The following USO1 variants were observed in gnomAD, a reference collection of about 807,000 sequenced individuals.
The protein encoded by USO1 is general vesicular transport factor p115.
Under a neutral mutation model 124.5 loss-of-function variants are expected in USO1, and 57 were observed. The ratio of observed to expected loss-of-function variants is 0.46; its 90% CI spans 0.37 to 0.57. The LOEUF is 0.57. USO1 is among the 20% of genes least tolerant of loss of function. USO1 has a pLI of 0.00. For missense variants in USO1, 900 were observed against 1,040.6 expected (o/e 0.86, Z 1.86); for synonymous variants, 369 against 362.8 (o/e 1.02, Z -0.19).
intron 4 of USO1, among the ~76,000 whole-genome samples, chr4:75,762,164 CTTTTTTTTTTT>C (rs375866579): frequency 1.4e-5 from 1 of 70,156 alleles, no homozygotes; most frequent in African/African-American, 5.7e-5. Flanking sequence ...AACAATTTTA[CTTTTTTTTTTT>C]TTTTTTTTTT....
chr4:75,789,076 T>C (rs1722454423), intron 10 of USO1, among the ~76,000 whole-genome samples: 1 of 152,122 alleles, frequency 6.6e-6, no homozygotes, highest in Non-Finnish European at 1.5e-5. Flanking sequence ...TGTAATCTTT[T>C]TCTCTCTAGA....
intron 1 of USO1, among the ~76,000 whole-genome samples, chr4:75,733,115 C>T (rs369769942): frequency 1.3e-4 from 19 of 150,954 alleles, no homozygotes; most frequent in African/African-American, 2.9e-4. Flanking sequence ...AAAAATTAGC[C>T]GGGCGTGGTG....
chr4:75,790,834 A>G (rs373605094), intron 12 of USO1, 37 bp downstream of exon 12: 56 of 1,517,336 alleles, frequency 3.7e-5, no homozygotes, highest in Non-Finnish European at 4.7e-5. Flanking sequence ...TTGAAAAAGT[A>G]AATCATTGTC....
chr4:75,754,391 C>A (rs1721378775), intron 3 of USO1, among the ~76,000 whole-genome samples: 1 of 152,140 alleles, frequency 6.6e-6, no homozygotes, highest in Non-Finnish European at 1.5e-5. Flanking sequence ...CCCTCAATTT[C>A]TTTTTAAGAG....
chr4:75,774,684 A>C lies in USO1; in HGVS notation c.564A>C (p.Leu188Phe). Residue 188 changes from leucine to phenylalanine, a missense_variant, in exon 8 of 24, where the codon TTA becomes TTC. By Grantham distance (22) the Leu-to-Phe change is conservative. Around this residue, in one of 2 missense-constraint regions of USO1, gnomAD observed 538 missense variants for 681.6 expected, o/e 0.79. Coordinates refer to ENST00000514213, the MANE Select transcript of USO1 (RefSeq NM_003715.4). The part of the protein sequence containing the change: ...SREVIRNDGV[L>F]LLQALTRSNG... Reference sequence around the variant, plus strand: ...CTCTTTCTTCTCTATAGGGCGTCTTACTACTGCAGGCACTAACAAGAAGCA... The same window carrying C: ...CTCTTTCTTCTCTATAGGGCGTCTTCCTACTGCAGGCACTAACAAGAAGCA... 6.2e-7 allele frequency: 1 copy of C among 1,612,582 alleles called. No individual in the cohort carries two copies. The highest frequency in any genetic ancestry group is 8.5e-7 in the Non-Finnish European group (1 of 1,179,204).
intron 7 of USO1, among the ~76,000 whole-genome samples, chr4:75,771,573 C>A (rs1721934990): frequency 6.6e-6 from 1 of 152,204 alleles, no homozygotes; most frequent in Non-Finnish European, 1.5e-5. Flanking sequence ...TCTACCTCTG[C>A]AATTTTCTTT....
chr4:75,800,984 A>G (rs1722833983), intron 16 of USO1, 95 bp from the exon 17 acceptor site: 2 of 1,386,646 alleles, frequency 1.4e-6, no homozygotes, highest in Non-Finnish European at 1.9e-6. Context: ...TTTCTTACCT[A>G]TCATGGAGTT....
At chr4:75,797,787 G>A (rs775516251) in intron 13 of USO1, among the ~76,000 whole-genome samples, 3 of 151,734 alleles carry the variant, frequency 2.0e-5, no homozygotes, top group South Asian at 2.1e-4. Flanking sequence ...GACTACAGGC[G>A]CGCGCCACCT....
At chr4:75,770,964 A>G (rs780680210) in intron 6 of USO1, 40 bp downstream of exon 6, 18 of 1,600,148 alleles carry the variant, frequency 1.1e-5, no homozygotes, top group Non-Finnish European at 1.5e-5. Flanking sequence ...TGATTCAAGC[A>G]TGAGTATCAT....
intron 1 of USO1, among the ~76,000 whole-genome samples, chr4:75,729,095 C>A (rs934959284): frequency 2.0e-5 from 3 of 152,156 alleles, no homozygotes; most frequent in Admixed American, 2.0e-4. Context: ...GGCACCTGGC[C>A]CCAGAGTCGG....
At chr4:75,777,819 C>A (rs1366292583) in intron 8 of USO1, among the ~76,000 whole-genome samples, 1 of 152,196 alleles carries the variant, frequency 6.6e-6, no homozygotes, top group Admixed American at 6.5e-5. Context: ...TATGACTCAA[C>A]AATCACGCTC....
At chr4:75,789,792 A>G (rs1045228502) in intron 10 of USO1, among the ~76,000 whole-genome samples, 2 of 152,002 alleles carry the variant, frequency 1.3e-5, no homozygotes, top group African/African-American at 4.8e-5. Context: ...CTGTTTTTAT[A>G]AAATATTTTA....
At chr4:75,799,178 T>C (rs1366203498) in intron 13 of USO1, among the ~76,000 whole-genome samples, 1 of 149,034 alleles carries the variant, frequency 6.7e-6, no homozygotes, top group Non-Finnish European at 1.5e-5. Flanking sequence ...TTCTTGATTT[T>C]TTTGTTTTTT....
rs748590538 is a variant in USO1 at position 75,740,289 on chromosome 4, A to G, written c.67-12084A>G. Among the ~76,000 whole-genome samples the G allele has an allele frequency of 4.3e-4, 66 of 152,270 alleles. 1 individual carries two copies. The highest frequency in any genetic ancestry group is 7.4e-4 in the Non-Finnish European group (50 of 68,016). ...CTAACCCTGTATTTTCTCTAGGACCAGTGGGTTTTGTTTTTAGAGATGGAG... is the reference window on the plus strand; with the variant it reads ...CTAACCCTGTATTTTCTCTAGGACCGGTGGGTTTTGTTTTTAGAGATGGAG... On this transcript the variant is annotated intron_variant, in intron 1 of 23. Coordinates refer to ENST00000514213, the MANE Select transcript of USO1 (RefSeq NM_003715.4).
intron 1 of USO1, among the ~76,000 whole-genome samples, chr4:75,731,864 A>G (rs945240974): frequency 6.6e-6 from 1 of 152,246 alleles, no homozygotes; most frequent in Non-Finnish European, 1.5e-5. Context: ...CTTAAAAAAA[A>G]GAATTGTGAA....
At chr4:75,735,049 C>A (rs1720750134) in intron 1 of USO1, among the ~76,000 whole-genome samples, 1 of 152,086 alleles carries the variant, frequency 6.6e-6, no homozygotes, top group South Asian at 2.1e-4. Context: ...AATATTGATT[C>A]TTTGATCCAT....
At position 75,745,224 on chromosome 4, in the gene USO1, A is replaced by G. The variant is rs1161722302; in HGVS notation, c.67-7149A>G. On this transcript the variant is annotated intron_variant, in intron 1 of 23. Transcript: ENST00000514213. The stretch of plus-strand genomic sequence containing the variant: ...GAATCTTTCTTTTTTATATATATAT[A>G]TAGTACTGATATTTTTCAGTTAGTA... The G allele has an allele frequency of 1.5e-5, 6 of 400,228 alleles. No homozygotes were observed. In the East Asian group the frequency reaches 2.8e-4, roughly 19 times the overall value. 24.8% of individuals were successfully genotyped at this position (400,228 alleles called of 1,614,324 possible).
chr4:75,797,889 C>A (rs1200125717), intron 13 of USO1, among the ~76,000 whole-genome samples: 1 of 152,092 alleles, frequency 6.6e-6, no homozygotes, highest in African/African-American at 2.4e-5. Context: ...TGATCCAACG[C>A]ACCTCAGCCT....
intron 1 of USO1, among the ~76,000 whole-genome samples, chr4:75,735,974 T>G (rs1014717725): frequency 2.1e-4 from 32 of 152,228 alleles, no homozygotes; most frequent in African/African-American, 7.7e-4. Context: ...TAGACTATAA[T>G]TCTGATTATG....
Sources: gnomAD v4.1 joint callset for allele counts (sites outside exome capture counted in the v4.1 genomes callset) on GRCh38, gnomAD v4.1.1 for gene constraint, gnomAD v4.1.1 regional missense constraint, MANE v1.5 for transcripts, NCBI Gene and HGNC (gene_info 2026-07-23, HGNC 2026-07-21) for gene names.